Variants in TRIM2 observed in about 807,000 individuals in gnomAD.
TRIM2 encodes tripartite motif-containing protein 2.
A neutral mutation model predicts 75.2 loss-of-function variants in TRIM2; 20 were observed. The observed-to-expected ratio is 0.27, with a 90% CI of 0.19 to 0.39. TRIM2 has a LOEUF of 0.39. Among genes scored for constraint, TRIM2 ranks in the 10% least tolerant of loss-of-function variants. The pLI, the probability that TRIM2 is intolerant of heterozygous loss-of-function variation, is 1.00. For synonymous variants in TRIM2, 373 were observed against 388.3 expected, an observed-to-expected ratio of 0.96 and a Z score of 0.46; for missense variants, 660 against 990.8, an observed-to-expected ratio of 0.67 and a Z score of 4.48.
chr4:153,232,717 G>C (rs1743971020), intron 1 of TRIM2, among the ~76,000 whole-genome samples: 1 of 152,190 alleles, frequency 6.6e-6, no homozygotes, highest in South Asian at 2.1e-4. Context: ...AAAGATTTAA[G>C]TAGTAGCAAT....
chr4:153,302,058 C>T (rs999541278), intron 6 of TRIM2, among the ~76,000 whole-genome samples: 1 of 152,136 alleles, frequency 6.6e-6, no homozygotes, highest in African/African-American at 2.4e-5. Context: ...TTTTAGATCA[C>T]TTGGGGGTAT....
chr4:153,239,161 G>T (rs1012695903), intron 1 of TRIM2, among the ~76,000 whole-genome samples: 2 of 152,090 alleles, frequency 1.3e-5, no homozygotes, highest in Non-Finnish European at 2.9e-5. Context: ...GACCATCCTG[G>T]CTAACACAGC....
At chr4:153,153,074 T>A (rs956092348), upstream of TRIM2, 1 of 152,260 alleles carries the variant, frequency 6.6e-6, no homozygotes, top group Non-Finnish European at 1.5e-5. Context: ...GCGGGCGGTC[T>A]GACACAGTTA....
intron 4 of TRIM2, among the ~76,000 whole-genome samples, chr4:153,293,526 G>C (rs1337993492): frequency 2.6e-5 from 4 of 152,288 alleles, no homozygotes; most frequent in African/African-American, 9.6e-5. Flanking sequence ...GCTCCTTTCT[G>C]TCTGAGCTCT....
intron 1 of TRIM2, among the ~76,000 whole-genome samples, chr4:153,244,466 G>A (rs1748537623): frequency 7.0e-6 from 1 of 143,050 alleles, no homozygotes; most frequent in Non-Finnish European, 1.5e-5. Flanking sequence ...TCACTATGTT[G>A]CCCGAGCTGA....
chr4:153,178,812 T>C (rs921492346), intron 1 of TRIM2, among the ~76,000 whole-genome samples: 13 of 152,224 alleles, frequency 8.5e-5, no homozygotes, highest in African/African-American at 3.1e-4. Flanking sequence ...TTATATTAGT[T>C]AAGACTTAAT....
At chr4:153,166,684 G>T (rs994367135) in intron 1 of TRIM2, among the ~76,000 whole-genome samples, 26 of 152,166 alleles carry the variant, frequency 1.7e-4, no homozygotes, top group African/African-American at 6.3e-4. Context: ...TAGTAGGTGG[G>T]ACTACAGAGG....
In TRIM2 at chr4:153,295,470, A is replaced by G; in HGVS notation, c.944A>G (p.Asp315Gly). The stretch of plus-strand genomic sequence containing the variant: ...AAGCTGAACGAGCTGGCCGACCAGG[A>G]CTTCCCCTTGCACCCGCGGGAGAAC... ...SEKLNELADQ[D>G]FPLHPRENDQ... is the part of the protein sequence containing the mutation. Residue 315 changes from aspartate (D) to glycine (G), a missense_variant, in exon 6 of 12, where the codon GAC (aspartate) becomes GGC (glycine). Around this residue, in one of 2 missense-constraint regions of TRIM2, gnomAD observed 620 missense variants for 891.0 expected, o/e 0.70. Coordinates refer to ENST00000338700, the MANE Select transcript of TRIM2 (RefSeq NM_015271.5). The surrounding 1 kb of genome is among the most constrained non-coding windows in gnomAD (Gnocchi z 7.2). 1 of 1,614,200 alleles carries G rather than the reference A, an allele frequency of 6.2e-7. No individual in the cohort carries two copies. Among genetic ancestry groups the G allele is most frequent in the Non-Finnish European group, 8.5e-7 (1 of 1,180,034 alleles).
In TRIM2 at chr4:153,336,754, A is replaced by G; in HGVS notation, c.*1788A>G. On this transcript the variant is annotated 3_prime_UTR_variant, in exon 12 of 12. Coordinates refer to ENST00000338700, the MANE Select transcript of TRIM2 (RefSeq NM_015271.5). Reference sequence around the variant, plus strand: ...TAGAAGGGAAATCTAGCTACTTCAAATTGTCTGTTAAATTTATTATGCCCA... The same window carrying G: ...TAGAAGGGAAATCTAGCTACTTCAAGTTGTCTGTTAAATTTATTATGCCCA... 1 of 985,568 alleles carries G rather than the reference A, an allele frequency of 1.0e-6. No individual in the cohort carries two copies. Among genetic ancestry groups the G allele is most frequent in the Non-Finnish European group, 1.2e-6 (1 of 829,690 alleles). The allele number at this position is 985,568 out of a possible 1,614,324, so 61.1% of individuals were successfully genotyped here.
intron 1 of TRIM2, among the ~76,000 whole-genome samples, chr4:153,215,830 TAGA>T (rs948152928): frequency 2.6e-5 from 4 of 152,248 alleles, no homozygotes; most frequent in African/African-American, 7.2e-5. Flanking sequence ...ACACTGTGGA[TAGA>T]AGATTTCAAA....
chr4:153,191,296 C>A lies in TRIM2; in HGVS notation c.-49+38026C>A, dbSNP rs566561632. ...AACCCCTCTTTTCCAGATCAGTCAT[C>A]TATGGCTAAACAGTCTGAGAAAAAT... On this transcript the variant is annotated intron_variant, in intron 1 of 11. Transcript: ENST00000437508. 4.6e-5 allele frequency among the ~76,000 whole-genome samples: 7 copies of A among 152,348 alleles called. No homozygotes were observed. In the South Asian group the frequency reaches 1.4e-3, roughly 32 times the overall value.
chr4:153,308,605 T>G, intron 6 of TRIM2: 2 of 646,292 alleles, frequency 3.1e-6, no homozygotes, highest in Non-Finnish European at 6.0e-6. Context: ...AGTGGTGATC[T>G]CATCCACACC....
chr4:153,244,435 CTTTTA>C (rs201766473), intron 1 of TRIM2, among the ~76,000 whole-genome samples: 907 of 86,806 alleles, frequency 0.01, 128 homozygotes, highest in African/African-American at 0.028. Context: ...TCTTCTTCTT[CTTTTA>C]ATTAGAGAGG....
At chr4:153,159,046 G>A (rs891242830) in intron 1 of TRIM2, among the ~76,000 whole-genome samples, 2 of 152,200 alleles carry the variant, frequency 1.3e-5, no homozygotes, top group Admixed American at 6.5e-5. Context: ...AGCCATTGCA[G>A]GTTGTTCTAA....
chr4:153,163,470 C>G (rs1160574155), intron 1 of TRIM2, among the ~76,000 whole-genome samples: 1 of 150,190 alleles, frequency 6.7e-6, no homozygotes, highest in African/African-American at 2.5e-5. Context: ...AGGCATGAAC[C>G]ACTGCACCCA....
rs775106806 is a variant in TRIM2, at chr4:153,296,009, A to G, written c.1483A>G (p.Ile495Val). The change falls in exon 6 of 12, where the codon ATC (isoleucine) becomes GTC (valine). Residue 495 changes from isoleucine to valine, a missense_variant. By Grantham distance (29) the Ile-to-Val change is conservative. Around this residue, in one of 2 missense-constraint regions of TRIM2, gnomAD observed 620 missense variants for 891.0 expected, o/e 0.70. Coordinates refer to ENST00000338700, the MANE Select transcript of TRIM2 (RefSeq NM_015271.5). The stretch of plus-strand genomic sequence containing the variant: ...CACTGGAAAACGAAAAGAGAATCCC[A>G]TCGAAGACGATTTGATCTTTCGAGT... ...YSTGKRKENP[I>V]EDDLIFRVGT... 2 of 1,523,826 alleles carry G rather than the reference A, an allele frequency of 1.3e-6. No individual in the cohort carries two copies. The highest frequency in any genetic ancestry group is 2.2e-5 in the Admixed American group (1 of 45,060). 94.4% of individuals were successfully genotyped at this position (1,523,826 alleles called of 1,614,324 possible). A position where few individuals can be genotyped will look rare whatever the true frequency, so the allele number is the denominator to read the frequency against.
At chr4:153,281,423 T>G (rs1274229338) in intron 3 of TRIM2, among the ~76,000 whole-genome samples, 1 of 152,238 alleles carries the variant, frequency 6.6e-6, no homozygotes, top group Non-Finnish European at 1.5e-5. Flanking sequence ...GCTTGGCAAA[T>G]TAGCAGCATG....
chr4:153,307,375 T>C (rs1459085362), intron 6 of TRIM2, among the ~76,000 whole-genome samples: 1 of 152,190 alleles, frequency 6.6e-6, no homozygotes, highest in Non-Finnish European at 1.5e-5. Flanking sequence ...CATTTTACTC[T>C]AGAACAGTGT....
intron 6 of TRIM2, among the ~76,000 whole-genome samples, chr4:153,309,141 A>C (rs1345679591): frequency 1.3e-5 from 2 of 152,212 alleles, no homozygotes; most frequent in African/African-American, 4.8e-5. Context: ...ATCATGTGTT[A>C]AAGGATGGGG....
Sources: gnomAD v4.1 joint callset for allele counts (sites outside exome capture counted in the v4.1 genomes callset) on GRCh38, gnomAD v4.1.1 for gene constraint, gnomAD v4.1.1 regional missense constraint, Gnocchi (gnomAD v3.1) non-coding constraint, MANE v1.5 for transcripts, NCBI Gene and HGNC (gene_info 2026-07-23, HGNC 2026-07-21) for gene names.